Variants in GRID2 observed in about 807,000 individuals in gnomAD.
GRID2 encodes the protein glutamate ionotropic receptor delta type subunit 2.
GRID2 carries 33 observed loss-of-function variants against 114.8 expected under a neutral mutation model. That is an observed-to-expected ratio of 0.29 (90% CI 0.22 to 0.38). The LOEUF (loss-of-function observed/expected upper bound fraction) is 0.38, where lower values mean the gene tolerates loss of function less well. GRID2 is among the 10% of genes least tolerant of loss of function. GRID2 has a pLI of 1.00. For missense variants in GRID2, 1,184 were observed against 1,257.7 expected (o/e 0.94, Z 0.89); for synonymous variants, 505 against 449.9 (o/e 1.12, Z -1.55).
chr4:92,867,131 T>G (rs891030724), intron 2 of GRID2, among the ~76,000 whole-genome samples: 18 of 152,332 alleles, frequency 1.2e-4, no homozygotes, highest in African/African-American at 4.3e-4. Flanking sequence ...ATACATCATG[T>G]AAATGATTCC....
chr4:93,511,728 G>A (rs1309564594), intron 12 of GRID2, among the ~76,000 whole-genome samples: 1 of 151,308 alleles, frequency 6.6e-6, no homozygotes, highest in Non-Finnish European at 1.5e-5. Context: ...CTAATACTAT[G>A]TTCACAGATA....
intron 13 of GRID2, among the ~76,000 whole-genome samples, chr4:93,534,515 G>A (rs925736822): frequency 2.6e-5 from 4 of 151,996 alleles, no homozygotes; most frequent in East Asian, 3.9e-4. Flanking sequence ...TAAACTTTAT[G>A]AGGGCAAGAA....
At chr4:92,594,271 G>A (rs1320820171) in intron 2 of GRID2, among the ~76,000 whole-genome samples, 1 of 151,688 alleles carries the variant, frequency 6.6e-6, no homozygotes, top group African/African-American at 2.4e-5. Context: ...ATATTTATTT[G>A]CTATTTATTA....
rs184356213 is a variant in GRID2 at position 92,421,541 on chromosome 4, A to G, written c.88+116797A>G. ...GTCAGTTAGAAGCTTTTGACCCTGTAAGATCTATCTGCTGTAGGCCCACTG... is the reference window on the plus strand; with the variant it reads ...GTCAGTTAGAAGCTTTTGACCCTGTGAGATCTATCTGCTGTAGGCCCACTG... On this transcript the variant is annotated intron_variant, in intron 1 of 15. Transcript: ENST00000282020. 1.8e-3 allele frequency among the ~76,000 whole-genome samples: 268 copies of G among 152,256 alleles called. 1 individual carries two copies. Among genetic ancestry groups the G allele is most frequent in the Non-Finnish European group, 2.3e-3 (155 of 68,018 alleles).
intron 1 of GRID2, among the ~76,000 whole-genome samples, chr4:92,482,024 ATATATATAT>A (rs1560660564): frequency 2.4e-4 from 17 of 69,412 alleles, no homozygotes; most frequent in Non-Finnish European, 3.5e-4. Flanking sequence ...ATATATATAT[ATATATATAT>A]AAAATAACAA....
At chr4:92,488,343 T>G (rs1220435892) in intron 1 of GRID2, among the ~76,000 whole-genome samples, 3 of 152,132 alleles carry the variant, frequency 2.0e-5, no homozygotes, top group Admixed American at 2.0e-4. Context: ...ATAAATCAAC[T>G]TCCCCAGTAT....
intron 4 of GRID2, among the ~76,000 whole-genome samples, chr4:93,123,964 G>A (rs1330900817): frequency 7.5e-6 from 1 of 133,066 alleles, no homozygotes; most frequent in Admixed American, 7.9e-5. Context: ...TTTGAGGTTG[G>A]GGGAGGGGGG....
chr4:92,716,876 T>C (rs1451940750), intron 2 of GRID2, among the ~76,000 whole-genome samples: 1 of 152,236 alleles, frequency 6.6e-6, no homozygotes, highest in African/African-American at 2.4e-5. Context: ...TGTTATATTT[T>C]GATTTTCGAT....
intron 1 of GRID2, among the ~76,000 whole-genome samples, chr4:92,378,907 T>C (rs750077458): frequency 6.6e-6 from 1 of 152,054 alleles, no homozygotes; most frequent in Non-Finnish European, 1.5e-5. Context: ...ATTTTATTTA[T>C]TTTGCCTTCA....
intron 13 of GRID2, among the ~76,000 whole-genome samples, chr4:93,571,244 C>A (rs1350720684): frequency 6.6e-6 from 1 of 152,002 alleles, no homozygotes; most frequent in Admixed American, 6.6e-5. Context: ...TGAAACATAC[C>A]TTCTTTCTCT....
chr4:93,429,139 G>A (rs1769155050), intron 10 of GRID2, among the ~76,000 whole-genome samples: 1 of 152,136 alleles, frequency 6.6e-6, no homozygotes, highest in Non-Finnish European at 1.5e-5. Flanking sequence ...ACCATTTAAA[G>A]CAGACGGCTC....
chr4:92,850,096 G>C (rs1743658605), intron 2 of GRID2, among the ~76,000 whole-genome samples: 1 of 151,092 alleles, frequency 6.6e-6, no homozygotes, highest in Non-Finnish European at 1.5e-5. Context: ...AATATTCAAA[G>C]TTCACTAATA....
intron 1 of GRID2, among the ~76,000 whole-genome samples, chr4:92,530,052 T>C (rs1725252228): frequency 6.6e-6 from 1 of 151,766 alleles, no homozygotes; most frequent in Non-Finnish European, 1.5e-5. Flanking sequence ...AGAAGGGTTT[T>C]TTTTTTTTGA....
At chr4:92,765,724 T>C (rs1334987179) in intron 2 of GRID2, among the ~76,000 whole-genome samples, 2 of 152,184 alleles carry the variant, frequency 1.3e-5, no homozygotes, top group South Asian at 2.1e-4. Context: ...TTAGTAGTTA[T>C]GAAAGTATCC....
Position 92,937,288 on chromosome 4 carries a change from C to T in GRID2, c.245-147707C>T, listed in dbSNP as rs958505284. ...CAAATCCAAGGTCATAGAGATTTTC[C>T]GCATTCTTTCTTCTAAGAATTTTAT... On this transcript the variant is annotated intron_variant, in intron 2 of 15. Transcript: ENST00000282020. Among the ~76,000 whole-genome samples the T allele has an allele frequency of 6.8e-5, 10 of 146,650 alleles. 1 individual carries two copies. Among genetic ancestry groups the T allele is most frequent in the African/African-American group, 1.7e-4 (7 of 41,260 alleles).
chr4:92,916,228 A>G (rs1201743284), intron 2 of GRID2, among the ~76,000 whole-genome samples: 2 of 152,108 alleles, frequency 1.3e-5, no homozygotes, highest in Non-Finnish European at 2.9e-5. Flanking sequence ...TTAATACATA[A>G]TGAGTTAATT....
intron 1 of GRID2, among the ~76,000 whole-genome samples, chr4:92,373,920 A>G (rs984389120): frequency 6.6e-6 from 1 of 152,174 alleles, no homozygotes; most frequent in African/African-American, 2.4e-5. Context: ...AGGAGCAAGT[A>G]CAGGATTCTA....
chr4:93,515,290 T>C lies in GRID2; in HGVS notation c.2072T>C (p.Val691Ala), dbSNP rs1194444077. ...CTAGACTCTGCGGTATATGAGCATG[T>C]CCGCATGAAAGGACTGAATCCTTTT... ...TVLDSAVYEHVRMKGLNPFER... is the reference protein window; with the variant it reads ...TVLDSAVYEHARMKGLNPFER... The change falls in exon 13 of 16, where the codon GTC becomes GCC. Residue 691 changes from valine to alanine, a missense_variant. Coordinates refer to ENST00000282020, the MANE Select transcript of GRID2 (RefSeq NM_001510.4). 2 of 1,609,176 alleles carry C rather than the reference T, an allele frequency of 1.2e-6. No individual in the cohort carries two copies. The highest frequency in any genetic ancestry group is 1.7e-6 in the Non-Finnish European group (2 of 1,175,854).
chr4:92,480,198 G>T (rs1451967876), intron 1 of GRID2, among the ~76,000 whole-genome samples: 1 of 151,932 alleles, frequency 6.6e-6, no homozygotes, highest in Non-Finnish European at 1.5e-5. Flanking sequence ...GAAACCATCA[G>T]GATCTAGAAA....
Sources: gnomAD v4.1 joint callset for allele counts (sites outside exome capture counted in the v4.1 genomes callset) on GRCh38, gnomAD v4.1.1 for gene constraint, MANE v1.5 for transcripts, NCBI Gene and HGNC (gene_info 2026-07-23, HGNC 2026-07-21) for gene names.